FAF1: variants seen among roughly 807,000 people sequenced by gnomAD.
The protein encoded by FAF1 is Fas associated factor 1.
FAF1 carries 25 observed loss-of-function variants against 92.5 expected under a neutral mutation model. The ratio of observed to expected loss-of-function variants is 0.27; its 90% CI spans 0.20 to 0.38. FAF1 has a LOEUF of 0.38. FAF1 is among the 10% of genes least tolerant of loss of function. The probability of loss-of-function intolerance (pLI) is 1.00; values close to 1 mark genes in which losing one functional copy is unlikely to be tolerated. For missense variants in FAF1, 636 were observed against 793.3 expected (o/e 0.80, Z 2.38); for synonymous variants, 234 against 273.2 (o/e 0.86, Z 1.42).
intron 5 of FAF1, among the ~76,000 whole-genome samples, chr1:50,742,558 A>G (rs1451801731): frequency 6.6e-6 from 1 of 151,978 alleles, no homozygotes; most frequent in East Asian, 1.9e-4. Context: ...TAATTTTTAT[A>G]TTTTTAGTAG....
At chr1:50,474,731 T>C (rs1646617781) in intron 18 of FAF1, among the ~76,000 whole-genome samples, 1 of 152,242 alleles carries the variant, frequency 6.6e-6, no homozygotes, top group Non-Finnish European at 1.5e-5. Context: ...TAAGTTTCAG[T>C]ATTTTAAGTT....
intron 1 of FAF1, among the ~76,000 whole-genome samples, chr1:50,952,724 C>T (rs530536199): frequency 3.9e-5 from 6 of 151,946 alleles, no homozygotes; most frequent in Admixed American, 2.0e-4. Context: ...CCCGCCACCC[C>T]GTCTGGGAAC....
At chr1:50,615,237 T>C (rs570132299) in intron 8 of FAF1, among the ~76,000 whole-genome samples, 1 of 152,334 alleles carries the variant, frequency 6.6e-6, no homozygotes, top group East Asian at 1.9e-4. Context: ...CCAGGCAGCA[T>C]AGTATTCCAT....
chr1:50,520,624 A>G (rs1345401968), intron 15 of FAF1, among the ~76,000 whole-genome samples: 1 of 152,144 alleles, frequency 6.6e-6, no homozygotes, highest in Non-Finnish European at 1.5e-5. Flanking sequence ...AGGCAGGTGG[A>G]TCACTTGAGT....
At chr1:50,795,972 A>G (rs1661732951) in intron 3 of FAF1, among the ~76,000 whole-genome samples, 1 of 152,106 alleles carries the variant, frequency 6.6e-6, no homozygotes, top group African/African-American at 2.4e-5. Flanking sequence ...GAAAATTACA[A>G]CTAATCAAAA....
chr1:50,453,493 A>G (rs913336999), intron 18 of FAF1, among the ~76,000 whole-genome samples: 7 of 152,200 alleles, frequency 4.6e-5, no homozygotes, highest in Non-Finnish European at 8.8e-5. Flanking sequence ...GAGATCATTA[A>G]ATTTTCTAGT....
chr1:50,485,504 T>C (rs1572776237), intron 17 of FAF1, among the ~76,000 whole-genome samples: 1 of 150,024 alleles, frequency 6.7e-6, no homozygotes, highest in Non-Finnish European at 1.5e-5. Flanking sequence ...CTACTAAAAA[T>C]ATAAAAAATT....
At chr1:50,921,954 G>A (rs2124733533) in intron 1 of FAF1, among the ~76,000 whole-genome samples, 1 of 150,126 alleles carries the variant, frequency 6.7e-6, no homozygotes, top group South Asian at 2.1e-4. Flanking sequence ...ATCACCTGAG[G>A]CCAGGAGTTC....
rs1015219533 is a variant in FAF1 at position 50,438,565 on chromosome 1, G to A, written c.*2875C>T. The A allele has an allele frequency of 6.6e-6, 1 of 152,222 alleles. No homozygotes were observed. The highest frequency in any genetic ancestry group is 6.5e-5 in the Admixed American group (1 of 15,278). The allele number at this position is 152,222 out of a possible 1,614,324, so 9.4% of individuals were successfully genotyped here. A position where few individuals can be genotyped will look rare whatever the true frequency, so the allele number is the denominator to read the frequency against. ...GGGACCCAGGACTGGATGGCTAAGG[G>A]ACAGAAAAGGATGGGTAGAAATGTG... On this transcript the variant is annotated 3_prime_UTR_variant, in exon 19 of 19. Coordinates refer to ENST00000396153, the MANE Select transcript of FAF1 (RefSeq NM_007051.3).
At chr1:50,445,580 G>C (rs1258484983) in intron 18 of FAF1, among the ~76,000 whole-genome samples, 1 of 152,156 alleles carries the variant, frequency 6.6e-6, no homozygotes, top group East Asian at 1.9e-4. Context: ...TCAAGGGTCA[G>C]GAAAAAAGTC....
intron 2 of FAF1, among the ~76,000 whole-genome samples, chr1:50,819,851 C>T (rs1313640707): frequency 2.1e-5 from 3 of 141,584 alleles, no homozygotes; most frequent in Non-Finnish European, 3.0e-5. Context: ...ATATCAGCTT[C>T]AGCACTTACT....
intron 4 of FAF1, among the ~76,000 whole-genome samples, chr1:50,772,175 AAAAT>A (rs768672621): frequency 2.6e-5 from 4 of 152,142 alleles, no homozygotes; most frequent in African/African-American, 4.8e-5. Flanking sequence ...AATATTCTGA[AAAAT>A]AAATAAATAA....
intron 15 of FAF1, among the ~76,000 whole-genome samples, chr1:50,528,613 C>A (rs1220820833): frequency 6.6e-6 from 1 of 152,170 alleles, no homozygotes; most frequent in Non-Finnish European, 1.5e-5. Flanking sequence ...TATACTGGTA[C>A]TGGAGTTCCT....
At chr1:50,562,921 T>A (rs935039302) in intron 13 of FAF1, among the ~76,000 whole-genome samples, 1 of 152,196 alleles carries the variant, frequency 6.6e-6, no homozygotes, top group African/African-American at 2.4e-5. Context: ...CAGAAAAAAA[T>A]TGTGTCTATA....
At chr1:50,801,002 A>G (rs1366146055) in intron 3 of FAF1, among the ~76,000 whole-genome samples, 3 of 152,238 alleles carry the variant, frequency 2.0e-5, no homozygotes, top group Non-Finnish European at 4.4e-5. Flanking sequence ...TTAAGGAGAC[A>G]AAAGTTATGA....
intron 1 of FAF1, among the ~76,000 whole-genome samples, chr1:50,912,977 A>C (rs1229707626): frequency 2.6e-5 from 4 of 152,230 alleles, no homozygotes; most frequent in African/African-American, 9.6e-5. Flanking sequence ...ACAGAAATGA[A>C]CCAGCCAGTT....
chr1:50,567,248 A>C lies in FAF1; in HGVS notation c.1114-17T>G. 6.4e-7 allele frequency: 1 copy of C among 1,571,022 alleles called. No individual in the cohort carries two copies. Among genetic ancestry groups the C allele is most frequent in the Middle Eastern group, 1.7e-4 (1 of 5,850 alleles). On this transcript the variant is annotated splice_polypyrimidine_tract_variant and intron_variant, in intron 12 of 18. Coordinates refer to ENST00000396153, the MANE Select transcript of FAF1 (RefSeq NM_007051.3). ...AAGCTTTCTCTGAAAAGAGGAGAAAAATCTGATCAATTAAAATATCCACTA... is the reference window on the plus strand; with the variant it reads ...AAGCTTTCTCTGAAAAGAGGAGAAACATCTGATCAATTAAAATATCCACTA...
At chr1:50,733,805 C>T (rs547317680) in intron 6 of FAF1, among the ~76,000 whole-genome samples, 7 of 152,282 alleles carry the variant, frequency 4.6e-5, no homozygotes, top group African/African-American at 1.4e-4. Context: ...GCAGCCCTAG[C>T]AAACTAAAAC....
intron 7 of FAF1, among the ~76,000 whole-genome samples, chr1:50,700,453 T>C (rs1409014907): frequency 6.6e-6 from 1 of 152,154 alleles, no homozygotes; most frequent in East Asian, 1.9e-4. Context: ...TGATTTTGCC[T>C]TTGAATAGAA....
Sources: gnomAD v4.1 joint callset for allele counts (sites outside exome capture counted in the v4.1 genomes callset) on GRCh38, gnomAD v4.1.1 for gene constraint, MANE v1.5 for transcripts, NCBI Gene and HGNC (gene_info 2026-07-23, HGNC 2026-07-21) for gene names.